Variants in CCDC7 observed in about 807,000 individuals in gnomAD.
CCDC7 encodes coiled-coil domain-containing protein 7.
Under a neutral mutation model 196.9 loss-of-function variants are expected in CCDC7, and 183 were observed. The ratio of observed to expected loss-of-function variants is 0.93; its 90% confidence interval spans 0.82 to 1.05. CCDC7 has a LOEUF of 1.05. Ranked by LOEUF, CCDC7 falls within the 50% of genes least tolerant of loss-of-function variation. The probability of loss-of-function intolerance (pLI) is 0.00; values close to 1 mark genes in which losing one functional copy is unlikely to be tolerated. For missense variants in CCDC7, 1,540 were observed against 1,482.2 expected, an observed-to-expected ratio of 1.04 and a Z score of -0.64; for synonymous variants, 525 against 484.6, an observed-to-expected ratio of 1.08 and a Z score of -1.10.
chr10:32,530,840 C>A (rs1200878624), intron 11 of CCDC7, among the ~76,000 whole-genome samples: 1 of 151,968 alleles, frequency 6.6e-6, no homozygotes, highest in African/African-American at 2.4e-5. Context: ...TTGTTCCAGT[C>A]CTTGGAGGAA....
At chr10:32,493,598 T>C (rs1426254727) in intron 9 of CCDC7, among the ~76,000 whole-genome samples, 1 of 151,932 alleles carries the variant, frequency 6.6e-6, no homozygotes, top group African/African-American at 2.4e-5. Context: ...TTTTTATCTT[T>C]TTTGAAGAAT....
At chr10:32,449,486 T>C (rs78930957), upstream of CCDC7, among the ~76,000 whole-genome samples, 2,183 of 152,248 alleles carry the variant, frequency 0.014, 27 homozygotes, top group Non-Finnish European at 0.023. Context: ...GCGCCTGGCC[T>C]ATTTTTTATT....
chr10:32,470,239 C>A (rs1212123612), intron 5 of CCDC7, among the ~76,000 whole-genome samples: 2 of 152,110 alleles, frequency 1.3e-5, no homozygotes, highest in African/African-American at 4.8e-5. Context: ...CATTTTTTCC[C>A]CAACTTTTCC....
intron 29 of CCDC7, 28 bp from the exon 31 acceptor site, chr10:32,804,987 G>T: frequency 1.4e-6 from 2 of 1,445,564 alleles, no homozygotes; most frequent in South Asian, 1.2e-5. Context: ...ACCTCGCAAA[G>T]TATTTTTAAA....
upstream of CCDC7, among the ~76,000 whole-genome samples, chr10:32,447,611 A>G (rs1564596263): frequency 6.6e-6 from 1 of 152,168 alleles, no homozygotes; most frequent in African/African-American, 2.4e-5. Context: ...AGAAAAATGT[A>G]AAAGGGAGCA....
chr10:32,471,360 A>G, intron 6 of CCDC7, 130 bp downstream of exon 7: 1 of 1,113,910 alleles, frequency 9.0e-7, no homozygotes, highest in Non-Finnish European at 1.2e-6. Context: ...AGGTCTAGTC[A>G]GCTTGTTTCT....
At chr10:32,639,873 T>C (rs1027011834) in intron 20 of CCDC7, among the ~76,000 whole-genome samples, 2 of 152,168 alleles carry the variant, frequency 1.3e-5, no homozygotes, top group African/African-American at 4.8e-5. Context: ...TGCCTCGGCC[T>C]CCCAAATTGC....
intron 32 of CCDC7, among the ~76,000 whole-genome samples, chr10:32,833,369 A>C (rs985488730): frequency 4.0e-5 from 6 of 149,544 alleles, no homozygotes; most frequent in Non-Finnish European, 7.4e-5. Flanking sequence ...AAAAAAAAAG[A>C]AAGCTCAATA....
At chr10:32,545,184 TA>T (rs1442963756) in intron 13 of CCDC7, among the ~76,000 whole-genome samples, 3 of 152,198 alleles carry the variant, frequency 2.0e-5, no homozygotes, top group African/African-American at 7.2e-5. Flanking sequence ...GCAAGCTTTT[TA>T]ATGAACTTGC....
chr10:32,582,932 A>G, intron 16 of CCDC7, 102 bp from the exon 18 acceptor site: 1 of 672,942 alleles, frequency 1.5e-6, no homozygotes, highest in Non-Finnish European at 2.1e-6. Flanking sequence ...GAGTAATTAT[A>G]CTTACTTATT....
exon 16 of CCDC7, chr10:32,571,880 CTGAT>C (rs769591924): frequency 6.4e-7 from 1 of 1,573,556 alleles, no homozygotes; most frequent in Non-Finnish European, 8.6e-7. Flanking sequence ...AAGCGGAAGA[CTGAT>C]TGAAAAGAGG....
At chr10:32,719,281 T>A (rs1353503826) in intron 25 of CCDC7, among the ~76,000 whole-genome samples, 1 of 152,204 alleles carries the variant, frequency 6.6e-6, no homozygotes, top group Non-Finnish European at 1.5e-5. Flanking sequence ...GAGAAAGGAT[T>A]CCCTATTTAA....
At chr10:32,462,582 A>G in intron 3 of CCDC7, 101 bp from the exon 5 acceptor site, 1 of 980,996 alleles carries the variant, frequency 1.0e-6, no homozygotes. Flanking sequence ...TACTTAGTAC[A>G]TTTTTGTGAT....
rs565215268 is a variant in CCDC7 at position 32,639,759 on chromosome 10, G to A, written c.2014+4601G>A. 3.3e-5 allele frequency among the ~76,000 whole-genome samples: 5 copies of A among 151,928 alleles called. No homozygotes were observed. The South Asian group carries it at 1.0e-3, about 32-fold the overall frequency. ...TCTCCTGCCTCAGCCTCTCCGAGTA[G>A]CTGGGACTACAGGTGCCCGCCAGCA... On this transcript the variant is annotated intron_variant, in intron 20 of 41. Transcript: ENST00000639629.
At chr10:32,514,476 T>C (rs189870868) in intron 9 of CCDC7, 1 of 152,336 alleles carries the variant, frequency 6.6e-6, no homozygotes, top group Non-Finnish European at 1.5e-5. Flanking sequence ...AGAATAGGCA[T>C]GGTGGTTTCC....
chr10:32,555,052 T>C (rs1485915501), intron 13 of CCDC7, among the ~76,000 whole-genome samples: 1 of 152,248 alleles, frequency 6.6e-6, no homozygotes, highest in Non-Finnish European at 1.5e-5. Context: ...TGAATAGTAC[T>C]CCATTATGTA....
chr10:32,834,407 A>G (rs1289081937), intron 32 of CCDC7, among the ~76,000 whole-genome samples: 1 of 152,040 alleles, frequency 6.6e-6, no homozygotes, highest in Non-Finnish European at 1.5e-5. Flanking sequence ...GTGTATGGAT[A>G]TGCTTGTATG....
At chr10:32,475,971 C>A (rs2038895529) in intron 8 of CCDC7, among the ~76,000 whole-genome samples, 1 of 152,144 alleles carries the variant, frequency 6.6e-6, no homozygotes, top group Non-Finnish European at 1.5e-5. Context: ...GTGCAGTCCC[C>A]CCATTCCCGC....
At chr10:32,711,123 T>C (rs986693635) in intron 24 of CCDC7, among the ~76,000 whole-genome samples, 2 of 143,978 alleles carry the variant, frequency 1.4e-5, no homozygotes, top group African/African-American at 5.7e-5. Context: ...CTGGTGTGTG[T>C]GTGTATATAT....
Sources: gnomAD v4.1 joint callset for allele counts (sites outside exome capture counted in the v4.1 genomes callset) on GRCh38, gnomAD v4.1.1 for gene constraint, MANE v1.5 for transcripts, NCBI Gene and HGNC (gene_info 2026-07-23, HGNC 2026-07-21) for gene names.